The following QTRT2 variants were observed in gnomAD, a reference collection of about 807,000 sequenced individuals.
The protein encoded by QTRT2 is queuine tRNA-ribosyltransferase domain containing 1.
In QTRT2, 32 loss-of-function variants were observed where a neutral mutation model predicts 44.8. The ratio of observed to expected loss-of-function variants is 0.71; its 90% CI spans 0.54 to 0.96. The LOEUF (loss-of-function observed/expected upper bound fraction) is 0.96. Ranked by LOEUF, QTRT2 falls within the 40% of genes least tolerant of loss-of-function variation. QTRT2 has a pLI of 0.00. For synonymous variants in QTRT2, 182 were observed against 187.4 expected, an observed-to-expected ratio of 0.97 and a Z score of 0.24; for missense variants, 461 against 503.1, an observed-to-expected ratio of 0.92 and a Z score of 0.80.
intron 2 of QTRT2, among the ~76,000 whole-genome samples, chr3:114,062,888 G>T (rs903511698): frequency 2.6e-5 from 4 of 152,204 alleles, no homozygotes; most frequent in Non-Finnish European, 4.4e-5. Context: ...CACTGTTCAT[G>T]TGTGTACATT....
At chr3:114,084,379 A>G (rs1380904292) in intron 9 of QTRT2, among the ~76,000 whole-genome samples, 1 of 152,088 alleles carries the variant, frequency 6.6e-6, no homozygotes, top group African/African-American at 2.4e-5. Context: ...GCACTTTGGG[A>G]GGCTGAGGAT....
intron 8 of QTRT2, among the ~76,000 whole-genome samples, chr3:114,081,019 C>T (rs2077159339): frequency 6.6e-6 from 1 of 152,146 alleles, no homozygotes; most frequent in Non-Finnish European, 1.5e-5. Flanking sequence ...ATACCATTAA[C>T]ACTATAAATT....
At chr3:114,065,172 T>TG (rs397746739) in intron 2 of QTRT2, 65 bp from the exon 3 acceptor site, 36 of 1,112,072 alleles carry the variant, frequency 3.2e-5, no homozygotes, top group African/African-American at 4.7e-5. Flanking sequence ...TTTTTTTTTT[T>TG]GCAAAATGCT....
intron 5 of QTRT2, among the ~76,000 whole-genome samples, chr3:114,068,877 C>T (rs2076988108): frequency 6.6e-6 from 1 of 152,086 alleles, no homozygotes; most frequent in East Asian, 1.9e-4. Flanking sequence ...GGCAAAACCC[C>T]ATCTCTACTA....
chr3:114,080,288 A>G (rs1377563117), intron 8 of QTRT2, among the ~76,000 whole-genome samples: 2 of 152,236 alleles, frequency 1.3e-5, no homozygotes, highest in South Asian at 2.1e-4. Flanking sequence ...AAGAACCAAG[A>G]AAAACAAAAC....
intron 6 of QTRT2, 133 bp downstream of exon 6, chr3:114,070,971 A>G: frequency 1.5e-6 from 1 of 673,780 alleles, no homozygotes; most frequent in Non-Finnish European, 2.4e-6. Flanking sequence ...CTCTATTTTT[A>G]TTTTCTTTTT....
intron 8 of QTRT2, among the ~76,000 whole-genome samples, chr3:114,081,070 C>T (rs1353003807): frequency 3.3e-5 from 5 of 152,096 alleles, no homozygotes. Flanking sequence ...TCCACCAGAA[C>T]AGAGGTAACT....
chr3:114,087,153 A>C lies in QTRT2; in HGVS notation c.*1249A>C, dbSNP rs979456090. 13 of 152,232 alleles carry C rather than the reference A, an allele frequency of 8.5e-5. No individual in the cohort carries two copies. The highest frequency in any genetic ancestry group is 1.6e-4 in the Non-Finnish European group (11 of 68,044). 9.4% of individuals were successfully genotyped at this position (152,232 alleles called of 1,614,324 possible). A position where few individuals can be genotyped will look rare whatever the true frequency, so the allele number is the denominator to read the frequency against. On this transcript the variant is annotated 3_prime_UTR_variant, in exon 10 of 10. Transcript: ENST00000281273. Reference sequence around the variant, plus strand: ...ACACCATAGTTTTTATACAAACAGCAATAACAAAACCAAAAAGATGCCCCT... The same window carrying C: ...ACACCATAGTTTTTATACAAACAGCCATAACAAAACCAAAAAGATGCCCCT...
chr3:114,056,923 C>T, intron 1 of QTRT2, 59 bp downstream of exon 1: 2 of 1,522,330 alleles, frequency 1.3e-6, no homozygotes, highest in Non-Finnish European at 1.8e-6. Context: ...AGTCACGTCG[C>T]GTCCAGACGC....
rs569985784 is a variant in QTRT2, at chr3:114,056,924, G to T, written c.-130+60G>T. 205 of 1,522,030 alleles carry T rather than the reference G, an allele frequency of 1.3e-4. 1 individual carries two copies. The South Asian group carries it at 2.4e-3, about 18-fold the overall frequency. The allele number at this position is 1,522,030 out of a possible 1,614,324, so 94.3% of individuals were successfully genotyped here. ...GCTAGAGATGGATGAGTCACGTCGC[G>T]TCCAGACGCTTCCTGGTTGTGTTGC... On this transcript the variant is annotated intron_variant, in intron 1 of 9. Coordinates refer to ENST00000281273, the MANE Select transcript of QTRT2 (RefSeq NM_024638.4).
chr3:114,058,833 C>T (rs1296874867), intron 2 of QTRT2, among the ~76,000 whole-genome samples: 3 of 152,140 alleles, frequency 2.0e-5, no homozygotes, highest in East Asian at 1.9e-4. Flanking sequence ...GCCCGGCCAG[C>T]GTTCTTCATT....
intron 2 of QTRT2, among the ~76,000 whole-genome samples, chr3:114,062,738 A>C (rs2076904441): frequency 6.6e-6 from 1 of 152,204 alleles, no homozygotes; most frequent in South Asian, 2.1e-4. Context: ...TTTATTAATA[A>C]ACTGGAGAAA....
rs538501790 is a variant in QTRT2, at chr3:114,068,493, C to T, written c.333+430C>T. Among the ~76,000 whole-genome samples the T allele has an allele frequency of 2.6e-5, 4 of 152,162 alleles. No homozygotes were observed. The South Asian group carries it at 6.2e-4, about 24-fold the overall frequency. ...ATAATATTGTCTGCTGGGTCTACAG[C>T]CAGAGATTTTGTCTAGTGAAGAACA... On this transcript the variant is annotated intron_variant, in intron 5 of 9. Coordinates refer to ENST00000281273, the MANE Select transcript of QTRT2 (RefSeq NM_024638.4).
intron 3 of QTRT2, 133 bp downstream of exon 3, chr3:114,065,590 G>T: frequency 1.4e-6 from 1 of 710,536 alleles, no homozygotes; most frequent in Non-Finnish European, 2.3e-6. Flanking sequence ...CAGAAGAGAG[G>T]TTTCAAATAT....
In QTRT2 at chr3:114,059,426, G is replaced by A. The variant is rs139675279; in HGVS notation, c.-22+2320G>A. 9.5e-4 allele frequency among the ~76,000 whole-genome samples: 144 copies of A among 152,246 alleles called. 4 individuals are homozygous for A. The East Asian group carries it at 0.016, about 17-fold the overall frequency. On this transcript the variant is annotated intron_variant, in intron 2 of 9. Transcript: ENST00000281273. ...AAAAAAGGAAATAATCACTCTCAAA[G>A]CATGTTTTTAAAAATATGTACATGA...
intron 2 of QTRT2, among the ~76,000 whole-genome samples, chr3:114,064,320 A>G (rs942210375): frequency 4.6e-5 from 7 of 152,202 alleles, no homozygotes; most frequent in African/African-American, 1.4e-4. Context: ...GAATTCCAGA[A>G]GATATGGTAC....
At chr3:114,083,909 G>C (rs950672627) in intron 9 of QTRT2, among the ~76,000 whole-genome samples, 1 of 151,906 alleles carries the variant, frequency 6.6e-6, no homozygotes, top group South Asian at 2.1e-4. Context: ...TAATATAAAT[G>C]GTTACTACTA....
chr3:114,082,943 A>G (rs1192219442), intron 9 of QTRT2, 149 bp downstream of exon 9: 1 of 629,256 alleles, frequency 1.6e-6, no homozygotes, highest in South Asian at 1.7e-5. Flanking sequence ...GATTTCAAAA[A>G]AACTCTTTAT....
intron 4 of QTRT2, 82 bp from the exon 5 acceptor site, chr3:114,067,905 C>T (rs1161535499): frequency 8.4e-7 from 1 of 1,188,862 alleles, no homozygotes. Context: ...CAGCAGTACA[C>T]ATTGCGAAGC....
Sources: allele counts gnomAD v4.1 joint callset (sites outside exome capture counted in the v4.1 genomes callset), GRCh38; gene constraint gnomAD v4.1.1; transcripts MANE v1.5; gene names NCBI Gene and HGNC (gene_info 2026-07-23, HGNC 2026-07-21).